DGKK: variants seen among roughly 807,000 people sequenced by gnomAD.
DGKK encodes diacylglycerol kinase kappa.
Under a neutral mutation model 92.2 loss-of-function variants are expected in DGKK, and 35 were observed. That is an observed-to-expected ratio of 0.38 (90% CI 0.29 to 0.50). The LOEUF is 0.50. Among genes scored for constraint, DGKK ranks in the 20% least tolerant of loss-of-function variants. The probability of loss-of-function intolerance (pLI) is 0.92; values close to 1 mark genes in which losing one functional copy is unlikely to be tolerated. For synonymous variants in DGKK, 368 were observed against 360.6 expected, an observed-to-expected ratio of 1.02 and a Z score of -0.23; for missense variants, 910 against 992.2, an observed-to-expected ratio of 0.92 and a Z score of 1.11.
chrX:50,454,756 G>T (rs1425600305), intron 1 of DGKK, among the ~76,000 whole-genome samples: 1 of 111,676 alleles, frequency 9.0e-6, no homozygotes, highest in African/African-American at 3.2e-5. Context: ...GAGCTAGATT[G>T]TCAGTAGGAC....
chrX:50,406,885 C>T (rs1925167705), intron 4 of DGKK, among the ~76,000 whole-genome samples: 1 of 111,520 alleles, frequency 9.0e-6, no homozygotes, highest in East Asian at 2.8e-4. Context: ...TGGGGTGCTG[C>T]TGTAACAAAT....
intron 8 of DGKK, among the ~76,000 whole-genome samples, chrX:50,395,474 T>TATC (rs377609838): frequency 1.1e-3 from 124 of 111,450 alleles, no homozygotes; most frequent in African/African-American, 3.5e-3. Flanking sequence ...GGAATAAACC[T>TATC]ATCTATGCCC....
At chrX:50,395,008 G>A (rs1345021344) in intron 8 of DGKK, among the ~76,000 whole-genome samples, 1 of 110,002 alleles carries the variant, frequency 9.1e-6, no homozygotes, top group East Asian at 2.9e-4. Context: ...GAATAGTATG[G>A]TTATTGTGGA....
chrX:50,465,403 G>T (rs1456318616), intron 1 of DGKK, among the ~76,000 whole-genome samples: 1 of 107,615 alleles, frequency 9.3e-6, no homozygotes, highest in African/African-American at 3.4e-5. Flanking sequence ...GGTGAGGGTG[G>T]GGCATCTCCC....
chrX:50,391,672 G>C, intron 10 of DGKK, 96 bp from the exon 11 acceptor site: 1 of 969,461 alleles, frequency 1.0e-6, no homozygotes, highest in Non-Finnish European at 1.4e-6. Flanking sequence ...AAGAATTATG[G>C]TCTTAAAACC....
chrX:50,447,347 A>ATATATATATATAT lies in DGKK; in HGVS notation c.645+22686_645+22687insATATATATATATA, dbSNP rs1926350233. ...GTATGTATATATATATATATATTAT[A>ATATATATATATAT]TATATATATAATATATATATATTAT... On this transcript the variant is annotated intron_variant, in intron 1 of 27. Coordinates refer to ENST00000611977, the MANE Select transcript of DGKK (RefSeq NM_001013742.4). 2.1e-3 allele frequency among the ~76,000 whole-genome samples: 20 copies of ATATATATATATAT among 9,459 alleles called. 1 individual carries two copies. The highest frequency in any genetic ancestry group is 0.016 in the African/African-American group (20 of 1,214). The allele number at this position is 9,459 out of a possible 115,157, so 8.2% of individuals were successfully genotyped here. A position where few individuals can be genotyped will look rare whatever the true frequency, so the allele number is the denominator to read the frequency against.
chrX:50,409,319 A>C (rs1925249982), intron 4 of DGKK, among the ~76,000 whole-genome samples: 2 of 85,693 alleles, frequency 2.3e-5, no homozygotes, highest in East Asian at 3.1e-4. Context: ...GGAAGAAGCC[A>C]AAAAAAAAAA....
chrX:50,413,037 T>C (rs183055309), intron 4 of DGKK, among the ~76,000 whole-genome samples: 140 of 110,654 alleles, frequency 1.3e-3, no homozygotes, highest in African/African-American at 4.2e-3. Flanking sequence ...GGTTGCACAC[T>C]CCTTATGAGA....
Position 50,379,627 on chromosome X carries a change from C to A in DGKK, c.2862G>T (p.Thr954=), listed in dbSNP as rs782426023. 8.3e-7 allele frequency: 1 copy of A among 1,202,567 alleles called. No individual in the cohort carries two copies. The highest frequency in any genetic ancestry group is 1.1e-6 in the Non-Finnish European group (1 of 887,697). ...INFWGSNTAT[T]EYEAPAIDDG... ...TCCCCATTCCTTGTTCCATACTAAC[C>A]GTGGTTGCTGTGTTGCTTCCCCAGA... The change falls in exon 20 of 28, where the codon ACG becomes ACT. Residue 954 remains threonine, a splice_region_variant and synonymous_variant. Coordinates refer to ENST00000611977, the MANE Select transcript of DGKK (RefSeq NM_001013742.4).
chrX:50,376,025 T>A lies in DGKK; in HGVS notation c.3413A>T (p.Glu1138Val). 1 of 1,209,744 alleles carries A rather than the reference T, an allele frequency of 8.3e-7. No individual in the cohort carries two copies. The highest frequency in any genetic ancestry group is 1.1e-6 in the Non-Finnish European group (1 of 894,380). The change falls in exon 24 of 28, where the codon GAA becomes GTA. Residue 1138 changes from glutamate (E) to valine (V), a missense_variant and splice_region_variant. Glu to Val is a moderately radical substitution (Grantham distance 121). Transcript: ENST00000611977. ...CTTAATTCACTCCTTTCTACTTACT[T>A]CAATGGGAATACAGGAAGCTGCACC... ...EMGAASCIPI[E>V]TLSRNDAVDV...
At chrX:50,371,567 G>C (rs1289516829) in intron 26 of DGKK, among the ~76,000 whole-genome samples, 157 bp downstream of exon 26, 1 of 111,664 alleles carries the variant, frequency 9.0e-6, no homozygotes, top group African/African-American at 3.3e-5. Context: ...AGAGATTGGG[G>C]GGAGGTGGGC....
chrX:50,424,180 C>T, intron 2 of DGKK, 68 bp downstream of exon 2: 3 of 981,896 alleles, frequency 3.1e-6, no homozygotes, highest in Non-Finnish European at 4.3e-6. Flanking sequence ...ACTTATTAGT[C>T]CATCTTCCCA....
chrX:50,386,598 G>A lies in DGKK; in HGVS notation c.2119-12C>T. The A allele has an allele frequency of 8.4e-7, 1 of 1,187,977 alleles. No individual in the cohort carries two copies. On this transcript the variant is annotated splice_polypyrimidine_tract_variant and intron_variant, in intron 14 of 27. Transcript: ENST00000611977. ...TACATTAAGTCACTCTATATAGAAA[G>A]GAAGGAGACAGGGCATTGTTATGAG... is the stretch of plus-strand genomic sequence containing the variant.
At chrX:50,392,060 C>A (rs1924711755) in intron 10 of DGKK, among the ~76,000 whole-genome samples, 1 of 111,921 alleles carries the variant, frequency 8.9e-6, no homozygotes, top group African/African-American at 3.2e-5. Context: ...TCTAAGACCA[C>A]TTCTGTTTTG....
chrX:50,424,031 C>T (rs1004081595), intron 2 of DGKK, among the ~76,000 whole-genome samples: 8 of 111,126 alleles, frequency 7.2e-5, no homozygotes, highest in African/African-American at 2.0e-4. Context: ...GGTGCAGAAG[C>T]TAGCTGGGAA....
chrX:50,387,448 C>A, intron 14 of DGKK, 106 bp downstream of exon 14: 1 of 609,883 alleles, frequency 1.6e-6, no homozygotes, highest in East Asian at 3.6e-5. Flanking sequence ...GCTGCCCCTC[C>A]TTTCCTTTCT....
At chrX:50,434,403 A>T (rs1215847455) in intron 1 of DGKK, among the ~76,000 whole-genome samples, 1 of 111,910 alleles carries the variant, frequency 8.9e-6, no homozygotes, top group Non-Finnish European at 1.9e-5. Context: ...AGTCGCAGTG[A>T]ATAGCAGAGC....
Position 50,424,366 on chromosome X carries a change from A to G in DGKK, c.646-8T>C. ...TCCTTCCTTCAATATTTTCTGAAAG[A>G]TAGAAGCATGGTGTTGAGCAATTAG... On this transcript the variant is annotated splice_polypyrimidine_tract_variant and splice_region_variant and intron_variant, in intron 1 of 27. Transcript: ENST00000611977. 1 of 1,195,723 alleles carries G rather than the reference A, an allele frequency of 8.4e-7. No individual in the cohort carries two copies. The highest frequency in any genetic ancestry group is 1.1e-6 in the Non-Finnish European group (1 of 881,593).
chrX:50,422,652 G>T, intron 2 of DGKK, 126 bp from the exon 3 acceptor site: 1 of 368,416 alleles, frequency 2.7e-6, no homozygotes. Context: ...ACAGGCATTT[G>T]TGGCAGTCAT....
Sources: gnomAD v4.1 joint callset for allele counts (sites outside exome capture counted in the v4.1 genomes callset) on GRCh38, gnomAD v4.1.1 for gene constraint, MANE v1.5 for transcripts, NCBI Gene and HGNC (gene_info 2026-07-23, HGNC 2026-07-21) for gene names.